The following SEMA6C variants were observed in gnomAD, a reference collection of about 807,000 sequenced individuals.
SEMA6C encodes semaphorin-6C.
In SEMA6C, 37 loss-of-function variants were observed where a neutral mutation model predicts 72.9. The ratio of observed to expected loss-of-function variants is 0.51; its 90% CI spans 0.39 to 0.67. The LOEUF (loss-of-function observed/expected upper bound fraction) is 0.67, where lower values mean the gene tolerates loss of function less well. SEMA6C is among the 30% of genes least tolerant of loss of function. The probability of loss-of-function intolerance (pLI) is 0.00; values close to 1 mark genes in which losing one functional copy is unlikely to be tolerated. For synonymous variants in SEMA6C, 578 were observed against 554.1 expected, an observed-to-expected ratio of 1.04 and a Z score of -0.61; for missense variants, 1,189 against 1,263.6, an observed-to-expected ratio of 0.94 and a Z score of 0.89.
chr1:151,137,863 C>G, intron 9 of SEMA6C, 64 bp from the exon 10 acceptor site: 1 of 1,580,724 alleles, frequency 6.3e-7, no homozygotes, highest in East Asian at 2.3e-5. Flanking sequence ...AAGCTCCTGG[C>G]CCCACACCGC....
intron 5 of SEMA6C, 76 bp from the exon 6 acceptor site, chr1:151,139,557 T>A: frequency 1.2e-6 from 2 of 1,605,008 alleles, no homozygotes; most frequent in Non-Finnish European, 1.7e-6. Context: ...TTTTAGATTC[T>A]TCTTCCCACC....
intron 3 of SEMA6C, among the ~76,000 whole-genome samples, 153 bp from the exon 4 acceptor site, chr1:151,140,243 CT>C (rs1181966400): frequency 6.6e-6 from 1 of 152,244 alleles, no homozygotes; most frequent in African/African-American, 2.4e-5. Flanking sequence ...AGTACTTAAT[CT>C]CTGCCAAACA....
chr1:151,134,252 A>T (rs1362498067), intron 18 of SEMA6C, 149 bp downstream of exon 18: 23 of 825,744 alleles, frequency 2.8e-5, no homozygotes, highest in Non-Finnish European at 4.0e-5. Flanking sequence ...TGTGCCAAGT[A>T]CTGAGCTACA....
rs1220542132 is a variant in SEMA6C, at chr1:151,137,011, C to A, written c.820G>T (p.Asp274Tyr). 9 of 1,614,082 alleles carry A rather than the reference C, an allele frequency of 5.6e-6. 1 individual carries two copies. In the South Asian group the frequency reaches 9.9e-5, roughly 18 times the overall value. The change falls in exon 11 of 19, where the codon GAC (aspartate) becomes TAC (tyrosine). Residue 274 changes from aspartate (D) to tyrosine (Y), a missense_variant. Physicochemically the swap from Asp to Tyr is radical, Grantham distance 160 (BLOSUM62 -3). Transcript: ENST00000368914. ...TTCAGGAAGGATGTCCAGTGGCGGT[C>A]CAAGGCCCGAGGCGAGCCGCCCATG... The part of the protein sequence containing the change: ...RDMGGSPRAL[D>Y]RHWTSFLKLR...
chr1:151,136,599 T>A lies in SEMA6C; in HGVS notation c.975-20A>T, dbSNP rs1279451267. On this transcript the variant is annotated intron_variant, in intron 11 of 18. Coordinates refer to ENST00000368914, the MANE Select transcript of SEMA6C (RefSeq NM_030913.6). ...GGGATGCTGGAGGAGCCAGAAAAGA[T>A]GCAGGATAGGTGCTGAAAGGAACTG... 6.2e-7 allele frequency: 1 copy of A among 1,613,648 alleles called. No homozygotes were observed. Among genetic ancestry groups the A allele is most frequent in the Non-Finnish European group, 8.5e-7 (1 of 1,179,872 alleles).
Position 151,132,946 on chromosome 1 carries a change from C to T in SEMA6C, c.2331G>A (p.Pro777=). The change falls in exon 19 of 19, where the codon CCG becomes CCA. Residue 777 remains proline, a synonymous_variant. Transcript: ENST00000368914. ...LEELLRYLHG[P]QPPRKGAEPP... ...GCTCGGCCCCCTTTCTGGGCGGCTG[C>T]GGGCCGTGCAGGTAGCGCAGCAGTT... The T allele has an allele frequency of 7.1e-7, 1 of 1,405,404 alleles. No homozygotes were observed. The highest frequency in any genetic ancestry group is 9.3e-7 in the Non-Finnish European group (1 of 1,076,668). 87.1% of individuals were successfully genotyped at this position (1,405,404 alleles called of 1,614,324 possible).
At chr1:151,143,483 G>A (rs940841082) in intron 2 of SEMA6C, among the ~76,000 whole-genome samples, 2 of 152,168 alleles carry the variant, frequency 1.3e-5, no homozygotes, top group Non-Finnish European at 2.9e-5. Flanking sequence ...GGGGGGAAGA[G>A]CAGACCCACC....
rs1682348961 is a variant in SEMA6C at position 151,139,493 on chromosome 1, A to G, written c.298-12T>C. The stretch of plus-strand genomic sequence containing the variant: ...CTCCATGTTAGATACTGAAGGGATA[A>G]GTTGAAGAGGGAAAATCATGGGCAA... On this transcript the variant is annotated splice_polypyrimidine_tract_variant and intron_variant, in intron 5 of 18. Transcript: ENST00000368914. 1 of 1,613,626 alleles carries G rather than the reference A, an allele frequency of 6.2e-7. No homozygotes were observed. The highest frequency in any genetic ancestry group is 1.7e-5 in the Admixed American group (1 of 60,000).
In SEMA6C at chr1:151,133,439, G is replaced by C; in HGVS notation, c.1838C>G (p.Ala613Gly). ...AGAGACTGAGGCGCCCAGGGCAAAA[G>C]CTGCGGCCACACTGGCCAGGAGGAG... ...IPLLLASVAA[A>G]FALGASVSGL... Residue 613 changes from alanine (A) to glycine (G), a missense_variant, in exon 19 of 19, where the codon GCT becomes GGT. Ala to Gly is a moderately conservative substitution (Grantham distance 60, BLOSUM62 0). This residue lies in a region of SEMA6C where 721 missense variants were observed against 686.2 expected (regional missense o/e 1.05). Transcript: ENST00000368914. This position sits in a 1 kb window ranked among gnomAD's most constrained non-coding sequence, Gnocchi z 5.9. The C allele has an allele frequency of 9.5e-6, 15 of 1,578,340 alleles. No individual in the cohort carries two copies. Among genetic ancestry groups the C allele is most frequent in the Non-Finnish European group, 1.3e-5 (15 of 1,166,622 alleles).
Position 151,134,638 on chromosome 1 carries a change from C to T in SEMA6C, c.1696G>A (p.Glu566Lys), listed in dbSNP as rs929986266. 9 of 1,614,086 alleles carry T rather than the reference C, an allele frequency of 5.6e-6. No individual in the cohort carries two copies. The highest frequency in any genetic ancestry group is 1.6e-4 in the Middle Eastern group (1 of 6,084). The change falls in exon 17 of 19, where the codon GAG becomes AAG. Residue 566 changes from glutamate (E) to lysine (K), a missense_variant. Coordinates refer to ENST00000368914, the MANE Select transcript of SEMA6C (RefSeq NM_030913.6). ...TGTTTACCTTGGCAGTCACCATGCTCCATGGATTCCTGGTTCCCAGCCTGA... is the reference window on the plus strand; with the variant it reads ...TGTTTACCTTGGCAGTCACCATGCTTCATGGATTCCTGGTTCCCAGCCTGA... ...VDQAGNQESM[E>K]HGDCQDGATG...
At position 151,138,589 on chromosome 1, in the gene SEMA6C, C is replaced by A. The variant is rs755267779; in HGVS notation, c.456+41G>T. The A allele has an allele frequency of 2.5e-6, 4 of 1,574,358 alleles. No individual in the cohort carries two copies. In the African/African-American group the frequency reaches 4.0e-5, roughly 16 times the overall value. ...TCAAACCCATTGCCCATCTTGGGGT[C>A]CCCCCAACTCCCATCCTAACCCCCA... On this transcript the variant is annotated intron_variant, in intron 7 of 18. Coordinates refer to ENST00000368914, the MANE Select transcript of SEMA6C (RefSeq NM_030913.6).
Position 151,133,091 on chromosome 1 carries a change from T to A in SEMA6C, c.2186A>T (p.Lys729Met). ...WEWNQNRNNA[K>M]EGPGRSRGGH... ...GCCCCGTGAGCGGCCCGGACCCTCCTTGGCGTTGTTCCTGTTCTGGTTCCA... is the reference window on the plus strand; with the variant it reads ...GCCCCGTGAGCGGCCCGGACCCTCCATGGCGTTGTTCCTGTTCTGGTTCCA... Residue 729 changes from lysine to methionine, a missense_variant, in exon 19 of 19, where the codon AAG becomes ATG. Physicochemically the swap from Lys to Met is moderately conservative, Grantham distance 95 (BLOSUM62 -1). Around this residue, in one of 2 missense-constraint regions of SEMA6C, gnomAD observed 721 missense variants for 686.2 expected, o/e 1.05. Transcript: ENST00000368914. The surrounding 1 kb of genome is among the most constrained non-coding windows in gnomAD (Gnocchi z 5.9). The A allele has an allele frequency of 6.4e-7, 1 of 1,556,120 alleles. No individual in the cohort carries two copies. The highest frequency in any genetic ancestry group is 8.6e-7 in the Non-Finnish European group (1 of 1,162,984).
Position 151,140,810 on chromosome 1 carries a change from T to C in SEMA6C, c.119-720A>G, listed in dbSNP as rs186008787. 4.5e-3 allele frequency among the ~76,000 whole-genome samples: 690 copies of C among 152,080 alleles called. 5 individuals are homozygous for C. Among genetic ancestry groups the C allele is most frequent in the South Asian group, 0.017 (83 of 4,826 alleles). ...GAGATCGAGACCATCCTGGCTAACA[T>C]GGTGAAACCCCATCTCTACTAAAAA... On this transcript the variant is annotated intron_variant, in intron 3 of 18. Transcript: ENST00000368914.
Position 151,138,298 on chromosome 1 carries a change from A to C in SEMA6C, c.547+18T>G. 6.2e-7 allele frequency: 1 copy of C among 1,612,690 alleles called. No individual in the cohort carries two copies. The highest frequency in any genetic ancestry group is 8.5e-7 in the Non-Finnish European group (1 of 1,179,146). Reference sequence around the variant, plus strand: ...CCCTCCAGCCACATGCTTTCTTCTCACATGCCCAGTTGCACACCTGCAAAG... The same window carrying C: ...CCCTCCAGCCACATGCTTTCTTCTCCCATGCCCAGTTGCACACCTGCAAAG... On this transcript the variant is annotated intron_variant, in intron 8 of 18. Coordinates refer to ENST00000368914, the MANE Select transcript of SEMA6C (RefSeq NM_030913.6).
rs745366318 is a variant in SEMA6C, at chr1:151,138,383, A to G, written c.480T>C (p.Gly160=). ...ATCGAGCCTGCCCACTCAGTTCCTCACCCTCCTGCTGCAGCGAAGTTATCT... is the reference window on the plus strand; with the variant it reads ...ATCGAGCCTGCCCACTCAGTTCCTCGCCCTCCTGCTGCAGCGAAGTTATCT... ...SYGITSLQQE[G]EELSGQARCP... The change falls in exon 8 of 19, where the codon GGT becomes GGC. Residue 160 remains glycine, a synonymous_variant. Coordinates refer to ENST00000368914, the MANE Select transcript of SEMA6C (RefSeq NM_030913.6). The G allele has an allele frequency of 1.9e-6, 3 of 1,613,708 alleles. No homozygotes were observed. The South Asian group carries it at 3.3e-5, about 18-fold the overall frequency.
rs781098246 is a variant in SEMA6C, at chr1:151,137,019, C to T, written c.812G>A (p.Arg271Gln). 2.5e-6 allele frequency: 4 copies of T among 1,614,026 alleles called. No individual in the cohort carries two copies. Among genetic ancestry groups the T allele is most frequent in the Non-Finnish European group, 3.4e-6 (4 of 1,180,020 alleles). ...VCKRDMGGSP[R>Q]ALDRHWTSFL... The stretch of plus-strand genomic sequence containing the variant: ...GGATGTCCAGTGGCGGTCCAAGGCC[C>T]GAGGCGAGCCGCCCATGTCACGTTT... The change falls in exon 11 of 19, where the codon CGG (arginine) becomes CAG (glutamine). Residue 271 changes from arginine (R) to glutamine (Q), a missense_variant. Transcript: ENST00000368914.
At position 151,133,948 on chromosome 1, in the gene SEMA6C, TA is replaced by T; in HGVS notation, c.1760-432del. 1 of 1,424,424 alleles carries T rather than the reference TA, an allele frequency of 7.0e-7. No homozygotes were observed. 88.2% of individuals were successfully genotyped at this position (1,424,424 alleles called of 1,614,324 possible). Reference sequence around the variant, plus strand: ...ACACTTCACTCCTATCTCTCCCAAGTAGCCCCCTTACCCCGAGTGTGAACTC... The same window carrying T: ...ACACTTCACTCCTATCTCTCCCAAGTGCCCCCTTACCCCGAGTGTGAACTC... On this transcript the variant is annotated intron_variant, in intron 18 of 18. Transcript: ENST00000368914. The surrounding 1 kb of genome is among the most constrained non-coding windows in gnomAD (Gnocchi z 5.9).
At chr1:151,135,548 C>A in intron 14 of SEMA6C, 43 bp downstream of exon 14, 2 of 1,578,164 alleles carry the variant, frequency 1.3e-6, no homozygotes, top group Non-Finnish European at 1.7e-6. Flanking sequence ...TACCTCCCAT[C>A]CCCTCCCTGC....
intron 11 of SEMA6C, 47 bp downstream of exon 11, chr1:151,136,810 G>A (rs1375562111): frequency 3.2e-6 from 5 of 1,541,852 alleles, no homozygotes; most frequent in Admixed American, 1.7e-5. Context: ...TTGGAGGCTG[G>A]TGAGGCAGGG....
Sources: allele counts gnomAD v4.1 joint callset (sites outside exome capture counted in the v4.1 genomes callset), GRCh38; gene constraint gnomAD v4.1.1; regional missense constraint gnomAD v4.1.1; non-coding constraint Gnocchi (gnomAD v3.1); transcripts MANE v1.5; gene names NCBI Gene and HGNC (gene_info 2026-07-23, HGNC 2026-07-21).